ZNF213: variants seen among roughly 807,000 people sequenced by gnomAD.
ZNF213 encodes putative transcription factor CR53.
A neutral mutation model predicts 46.0 loss-of-function variants in ZNF213; 32 were observed. The observed-to-expected ratio is 0.70, with a 90% CI of 0.52 to 0.93. The LOEUF (loss-of-function observed/expected upper bound fraction) is 0.93. Ranked by LOEUF, ZNF213 falls within the 40% of genes least tolerant of loss-of-function variation. The probability of loss-of-function intolerance (pLI) is 0.00; values close to 1 mark genes in which losing one functional copy is unlikely to be tolerated. For synonymous variants in ZNF213, 297 were observed against 271.0 expected, an observed-to-expected ratio of 1.10 and a Z score of -0.94; for missense variants, 639 against 652.8, an observed-to-expected ratio of 0.98 and a Z score of 0.23.
At chr16:3,138,944 G>C (rs769246205) in intron 4 of ZNF213, 31 bp from the exon 5 acceptor site, 1 of 1,613,946 alleles carries the variant, frequency 6.2e-7, no homozygotes, top group Non-Finnish European at 8.5e-7. Context: ...CTGCTGGGAG[G>C]CCTGAGCCGG....
Position 3,142,367 on chromosome 16 carries a change from GCTCCTTTGACATTGGTGCCCCA to G in ZNF213, c.*1025_*1046del. 2 of 92,008 alleles carry G rather than the reference GCTCCTTTGACATTGGTGCCCCA, an allele frequency of 2.2e-5. No individual in the cohort carries two copies. Among genetic ancestry groups the G allele is most frequent in the South Asian group, 1.9e-4 (1 of 5,276 alleles). The allele number at this position is 92,008 out of a possible 1,614,324, so 5.7% of individuals were successfully genotyped here. On this transcript the variant is annotated 3_prime_UTR_variant, in exon 6 of 6. Coordinates refer to ENST00000396878, the MANE Select transcript of ZNF213 (RefSeq NM_004220.3). ...CCAACTCCAGCGGCACTAATGACCCGCTCCTTTGACATTGGTGCCCCACTCCATCAGCACTAACGCCCTGCTC... is the reference window on the plus strand; with the variant it reads ...CCAACTCCAGCGGCACTAATGACCCGCTCCATCAGCACTAACGCCCTGCTC...
Position 3,141,025 on chromosome 16 carries a change from G to C in ZNF213, c.1058G>C (p.Ser353Thr), listed in dbSNP as rs1336005471. The C allele has an allele frequency of 6.2e-7, 1 of 1,612,786 alleles. No individual in the cohort carries two copies. Among genetic ancestry groups the C allele is most frequent in the Non-Finnish European group, 8.5e-7 (1 of 1,179,734 alleles). ...KPHKCPECDK[S>T]FRSSSDLVRH... ...CACAAGTGCCCTGAGTGCGACAAGA[G>C]CTTCCGCAGCTCCTCGGACCTGGTG... The change falls in exon 6 of 6, where the codon AGC (serine) becomes ACC (threonine). Residue 353 changes from serine to threonine, a missense_variant. Coordinates refer to ENST00000396878, the MANE Select transcript of ZNF213 (RefSeq NM_004220.3).
chr16:3,141,286 AGC>A lies in ZNF213; in HGVS notation c.1326_1327del (p.His443ProfsTer124). On this transcript the variant is annotated frameshift_variant, in exon 6 of 6. Transcript: ENST00000396878. LOFTEE classifies it high-confidence loss of function. Reference sequence around the variant, plus strand: ...GGAGAGTGCGACAAGAGCTTCAAGCAGCGCGCGCACCTCATCGCGCATCAGAG... The same window carrying A: ...GGAGAGTGCGACAAGAGCTTCAAGCAGCGCGCACCTCATCGCGCATCAGAG... 1 of 1,610,602 alleles carries A rather than the reference AGC, an allele frequency of 6.2e-7. No homozygotes were observed. Among genetic ancestry groups the A allele is most frequent in the Non-Finnish European group, 8.5e-7 (1 of 1,179,748 alleles).
chr16:3,138,568 A>G, intron 3 of ZNF213, 27 bp downstream of exon 3: 1 of 1,613,878 alleles, frequency 6.2e-7, no homozygotes, highest in Non-Finnish European at 8.5e-7. Context: ...TCTTGTGGAC[A>G]GTCGAGTGGC....
In ZNF213 at chr16:3,141,465, G is replaced by A. The variant is rs145923842; in HGVS notation, c.*118G>A. 3.3e-4 allele frequency: 407 copies of A among 1,224,790 alleles called. 6 individuals are homozygous for A. In the East Asian group the frequency reaches 0.011, roughly 32 times the overall value. The allele number at this position is 1,224,790 out of a possible 1,614,324, so 75.9% of individuals were successfully genotyped here. A position where few individuals can be genotyped will look rare whatever the true frequency, so the allele number is the denominator to read the frequency against. ...TCCCGGGCTGTCCGAGGGACCCCAG[G>A]GTACCTCACACTCGGAGCTCGCCTG... is the stretch of plus-strand genomic sequence containing the variant. On this transcript the variant is annotated 3_prime_UTR_variant, in exon 6 of 6. Transcript: ENST00000396878.
Position 3,141,433 on chromosome 16 carries a change from G to T in ZNF213, c.*86G>T, listed in dbSNP as rs1004803686. The T allele has an allele frequency of 4.2e-6, 6 of 1,430,606 alleles. No individual in the cohort carries two copies. Among genetic ancestry groups the T allele is most frequent in the Non-Finnish European group, 5.5e-6 (6 of 1,084,908 alleles). The allele number at this position is 1,430,606 out of a possible 1,614,324, so 88.6% of individuals were successfully genotyped here. ...CCACTGGGACTCTCCTTCCATCTGT[G>T]GCCACCTCCCGGGCTGTCCGAGGGA... On this transcript the variant is annotated 3_prime_UTR_variant, in exon 6 of 6. Coordinates refer to ENST00000396878, the MANE Select transcript of ZNF213 (RefSeq NM_004220.3).
rs1471336585 is a variant in ZNF213, at chr16:3,141,001, A to G, written c.1034A>G (p.His345Arg). ...CGCACGCACACGGGCGAGAAGCCAC[A>G]CAAGTGCCCTGAGTGCGACAAGAGC... ...HQRTHTGEKP[H>R]KCPECDKSFR... The change falls in exon 6 of 6, where the codon CAC becomes CGC. Residue 345 changes from histidine to arginine, a missense_variant. Transcript: ENST00000396878. The G allele has an allele frequency of 6.2e-7, 1 of 1,611,328 alleles. No homozygotes were observed. Among genetic ancestry groups the G allele is most frequent in the Non-Finnish European group, 8.5e-7 (1 of 1,179,444 alleles).
chr16:3,140,584 T>C (rs1957591777), intron 5 of ZNF213, 105 bp from the exon 6 acceptor site: 1 of 1,403,896 alleles, frequency 7.1e-7, no homozygotes, highest in African/African-American at 1.5e-5. Flanking sequence ...CAGGGCTTTC[T>C]GAACCTGGAG....
At chr16:3,138,563 T>C (rs753543399) in intron 3 of ZNF213, 22 bp downstream of exon 3, 2 of 1,613,928 alleles carry the variant, frequency 1.2e-6, no homozygotes, top group Non-Finnish European at 1.7e-6. Flanking sequence ...TCCGTTCTTG[T>C]GGACAGTCGA....
intron 5 of ZNF213, chr16:3,139,337 G>T (rs1957577542): frequency 1.8e-6 from 1 of 546,600 alleles, no homozygotes; most frequent in Non-Finnish European, 3.2e-6. Flanking sequence ...TCTCCTTTGA[G>T]TCTCACAACC....
chr16:3,138,643 G>C (rs1399748554), intron 3 of ZNF213, 102 bp downstream of exon 3: 1 of 1,609,884 alleles, frequency 6.2e-7, no homozygotes, highest in Non-Finnish European at 8.5e-7. Flanking sequence ...AGCTCCCTCT[G>C]TGAAGTCCAG....
At chr16:3,139,138 C>G (rs201025735) in intron 5 of ZNF213, 40 bp downstream of exon 5, 1 of 1,603,806 alleles carries the variant, frequency 6.2e-7, no homozygotes, top group Non-Finnish European at 8.5e-7. Flanking sequence ...TGGCCGCCCC[C>G]GATTCTGCTG....
chr16:3,136,483 C>T (rs1034720216), intron 1 of ZNF213, among the ~76,000 whole-genome samples: 17 of 152,084 alleles, frequency 1.1e-4, no homozygotes, highest in Admixed American at 8.5e-4. Flanking sequence ...TTTAGGAGGC[C>T]GAGGCGGGTG....
chr16:3,137,220 G>A lies in ZNF213; in HGVS notation c.-61G>A. ...CCACAGGGGATCCCTCTGGGAGACT[G>A]AAAGTACAGGTTCTGGGGCCCAGGT... On this transcript the variant is annotated 5_prime_UTR_variant, in exon 2 of 6. It removes the in-frame stop codon of an upstream open reading frame in the 5' UTR. Coordinates refer to ENST00000396878, the MANE Select transcript of ZNF213 (RefSeq NM_004220.3). The A allele has an allele frequency of 6.6e-7, 1 of 1,519,482 alleles. No individual in the cohort carries two copies. The highest frequency in any genetic ancestry group is 8.8e-7 in the Non-Finnish European group (1 of 1,138,134). The allele number at this position is 1,519,482 out of a possible 1,614,324, so 94.1% of individuals were successfully genotyped here. A position where few individuals can be genotyped will look rare whatever the true frequency, so the allele number is the denominator to read the frequency against.
chr16:3,137,106 G>C (rs1957547384), intron 1 of ZNF213, 60 bp from the exon 2 acceptor site: 1 of 792,934 alleles, frequency 1.3e-6, no homozygotes, highest in Non-Finnish European at 1.9e-6. Context: ...TTCAGCCTGG[G>C]GTTTGCTCGT....
intron 1 of ZNF213, 101 bp downstream of exon 1, chr16:3,135,488 A>G (rs979520517): frequency 3.9e-5 from 6 of 152,346 alleles, no homozygotes; most frequent in Admixed American, 1.3e-4. Context: ...CAGAATAAAT[A>G]AAGTGCTTAG....
Position 3,141,452 on chromosome 16 carries a change from C to T in ZNF213, c.*105C>T, listed in dbSNP as rs1326943578. 6.1e-6 allele frequency: 8 copies of T among 1,321,094 alleles called. No homozygotes were observed. The South Asian group carries it at 6.1e-5, about 10-fold the overall frequency. 81.8% of individuals were successfully genotyped at this position (1,321,094 alleles called of 1,614,324 possible). A position where few individuals can be genotyped will look rare whatever the true frequency, so the allele number is the denominator to read the frequency against. On this transcript the variant is annotated 3_prime_UTR_variant, in exon 6 of 6. Transcript: ENST00000396878. ...ATCTGTGGCCACCTCCCGGGCTGTCCGAGGGACCCCAGGGTACCTCACACT... is the reference window on the plus strand; with the variant it reads ...ATCTGTGGCCACCTCCCGGGCTGTCTGAGGGACCCCAGGGTACCTCACACT...
Position 3,142,613 on chromosome 16 carries a change from T to C in ZNF213, c.*1266T>C, listed in dbSNP as rs919443256. The C allele has an allele frequency of 3.7e-5, 6 of 163,768 alleles. No homozygotes were observed. The highest frequency in any genetic ancestry group is 1.2e-4 in the African/African-American group (5 of 41,200). The allele number at this position is 163,768 out of a possible 1,614,324, so 10.1% of individuals were successfully genotyped here. On this transcript the variant is annotated 3_prime_UTR_variant, in exon 6 of 6. Coordinates refer to ENST00000396878, the MANE Select transcript of ZNF213 (RefSeq NM_004220.3). ...CCACCGGCACCAGTGCCTCGCTCCA[T>C]TGGCACCAACGCCCAGCTCCACCGG...
At chr16:3,138,268 T>C in intron 2 of ZNF213, 150 bp from the exon 3 acceptor site, 2 of 1,438,248 alleles carry the variant, frequency 1.4e-6, no homozygotes, top group Non-Finnish European at 1.9e-6. Context: ...TATCACATTC[T>C]CCTCCGGACT....
Sources: allele counts gnomAD v4.1 joint callset (sites outside exome capture counted in the v4.1 genomes callset), GRCh38; gene constraint gnomAD v4.1.1; transcripts MANE v1.5; gene names NCBI Gene and HGNC (gene_info 2026-07-23, HGNC 2026-07-21).